Variants in GNG4 observed in about 807,000 individuals in gnomAD.
The protein encoded by GNG4 is G protein subunit gamma 4.
Under a neutral mutation model 5.8 loss-of-function variants are expected in GNG4, and 4 were observed. The observed-to-expected ratio is 0.69, with a 90% CI of 0.34 to 1.57. GNG4 has a LOEUF of 1.57. GNG4 is among the 40% of genes most tolerant of loss of function. The pLI is 0.06. For missense variants in GNG4, 96 were observed against 95.1 expected, an observed-to-expected ratio of 1.01 and a Z score of -0.04; for synonymous variants, 29 against 32.9, an observed-to-expected ratio of 0.88 and a Z score of 0.41.
At chr1:235,641,071 G>A (rs1402763559) in intron 1 of GNG4, among the ~76,000 whole-genome samples, 2 of 152,222 alleles carry the variant, frequency 1.3e-5, no homozygotes, top group Non-Finnish European at 1.5e-5. Flanking sequence ...ACCTTATTCT[G>A]TCAGGAAGGC....
chr1:235,586,678 T>G (rs915272593), intron 2 of GNG4, among the ~76,000 whole-genome samples: 1 of 152,074 alleles, frequency 6.6e-6, no homozygotes, highest in Non-Finnish European at 1.5e-5. Context: ...TGTTTAAAAG[T>G]GTGTGTCGCC....
upstream of GNG4, chr1:235,650,407 C>T (rs1367745395): frequency 6.6e-6 from 1 of 152,388 alleles, no homozygotes; most frequent in Non-Finnish European, 1.5e-5. Flanking sequence ...GCGCGGGCTC[C>T]CCGAAGCCTC....
At chr1:235,593,314 T>C (rs1350582778) in intron 2 of GNG4, among the ~76,000 whole-genome samples, 1 of 152,222 alleles carries the variant, frequency 6.6e-6, no homozygotes. Flanking sequence ...AAGTTGGGGC[T>C]GGGAGACCAA....
intron 3 of GNG4, among the ~76,000 whole-genome samples, chr1:235,570,150 G>A (rs542547885): frequency 6.6e-6 from 1 of 152,106 alleles, no homozygotes; most frequent in African/African-American, 2.4e-5. Flanking sequence ...AGGAATATTC[G>A]CATACAAATG....
At position 235,556,818 on chromosome 1, in the gene GNG4, G is replaced by C. The variant is rs763201688; in HGVS notation, c.100-4581C>G. ...ATAATGCAGAATCAATGGGAGGCCT[G>C]AGCTTGTTTTTCTGCAACTAGATGG... On this transcript the variant is annotated intron_variant, in intron 3 of 3. Coordinates refer to ENST00000391854, the MANE Select transcript of GNG4 (RefSeq NM_001098722.2). 3.4e-4 allele frequency among the ~76,000 whole-genome samples: 52 copies of C among 151,902 alleles called. 1 individual carries two copies. The highest frequency in any genetic ancestry group is 1.5e-5 in the Non-Finnish European group (1 of 67,986).
chr1:235,639,753 C>T (rs1425209771), intron 1 of GNG4, among the ~76,000 whole-genome samples: 3 of 152,332 alleles, frequency 2.0e-5, no homozygotes, highest in Non-Finnish European at 4.4e-5. Flanking sequence ...GTGATCTGCC[C>T]GCCTTGGTCT....
At chr1:235,605,957 G>GC (rs549408285) in intron 1 of GNG4, among the ~76,000 whole-genome samples, 5 of 131,834 alleles carry the variant, frequency 3.8e-5, no homozygotes, top group South Asian at 2.6e-4. Flanking sequence ...TGAGAGTGTG[G>GC]GGGGGTGGGT....
In GNG4 at chr1:235,642,777, C is replaced by A. The variant is rs559485694; in HGVS notation, c.-123+6885G>T. ...CCTGCTGTCATCACACCTCGGATCACCCCAGGCAATCTCGCCCCTGTGGCT... is the reference window on the plus strand; with the variant it reads ...CCTGCTGTCATCACACCTCGGATCAACCCAGGCAATCTCGCCCCTGTGGCT... On this transcript the variant is annotated intron_variant, in intron 1 of 3. Transcript: ENST00000391854. The surrounding 1 kb of genome is among the most constrained non-coding windows in gnomAD (Gnocchi z 4.3). Among the ~76,000 whole-genome samples, 31 of 152,268 alleles carry A rather than the reference C, an allele frequency of 2.0e-4. No homozygotes were observed. Among genetic ancestry groups the A allele is most frequent in the Non-Finnish European group, 1.3e-4 (9 of 68,022 alleles).
intron 1 of GNG4, among the ~76,000 whole-genome samples, chr1:235,596,527 C>CA (rs1459915232): frequency 6.6e-6 from 1 of 151,864 alleles, no homozygotes; most frequent in Non-Finnish European, 1.5e-5. Context: ...CAAAACAAAA[C>CA]AAAAAAACAC....
chr1:235,593,340 T>G (rs1023035797), intron 2 of GNG4, among the ~76,000 whole-genome samples: 6 of 152,194 alleles, frequency 3.9e-5, no homozygotes, highest in Non-Finnish European at 8.8e-5. Context: ...GGCGGTTCCA[T>G]CCCCAGTGCT....
In GNG4 at chr1:235,641,247, G is replaced by C. The variant is rs146153469; in HGVS notation, c.-123+8415C>G. Among the ~76,000 whole-genome samples, 844 of 152,062 alleles carry C rather than the reference G, an allele frequency of 5.6e-3. 5 individuals carry two copies. Among genetic ancestry groups the C allele is most frequent in the African/African-American group, 0.02 (813 of 41,458 alleles). On this transcript the variant is annotated intron_variant, in intron 1 of 3. Coordinates refer to ENST00000391854, the MANE Select transcript of GNG4 (RefSeq NM_001098722.2). ...CAAAAAGTTTTAAAAGAATTTAGCC[G>C]GGCATGGTGGTGGGCAACTGTAGCC... is the stretch of plus-strand genomic sequence containing the variant.
At chr1:235,599,579 G>A (rs1415880369) in intron 1 of GNG4, among the ~76,000 whole-genome samples, 1 of 152,144 alleles carries the variant, frequency 6.6e-6, no homozygotes, top group Non-Finnish European at 1.5e-5. Flanking sequence ...GCCTCCCAAA[G>A]TGCTGGGGTT....
chr1:235,587,770 T>TC (rs1687851135), intron 2 of GNG4, among the ~76,000 whole-genome samples: 1 of 134,418 alleles, frequency 7.4e-6, no homozygotes, highest in Admixed American at 7.5e-5. Context: ...TGGGAGAGTG[T>TC]GGGGTGGGGG....
chr1:235,646,336 C>T (rs1657510608), intron 1 of GNG4, among the ~76,000 whole-genome samples: 2 of 152,202 alleles, frequency 1.3e-5, no homozygotes, highest in East Asian at 1.9e-4. Flanking sequence ...ACTTTTCCTA[C>T]ATCAGTTAAA....
chr1:235,615,837 C>T (rs10926264), intron 1 of GNG4: 39,003 of 282,708 alleles, frequency 0.14, 5,231 homozygotes, highest in East Asian at 0.6. Flanking sequence ...GCAAGCAGTC[C>T]ATGATGGATG....
chr1:235,566,695 T>A, intron 3 of GNG4: 1 of 152,696 alleles, frequency 6.5e-6, no homozygotes, highest in East Asian at 1.9e-4. Context: ...GGCGGTGCTA[T>A]CTAATGAGAA....
intron 2 of GNG4, among the ~76,000 whole-genome samples, chr1:235,587,581 C>G (rs113140423): frequency 0.25 from 287 of 1,166 alleles, no homozygotes; most frequent in Non-Finnish European, 0.26. Flanking sequence ...TGTGGGGTGG[C>G]GGTGAGTGTG....
chr1:235,552,459 G>A (rs1686781060), intron 3 of GNG4, among the ~76,000 whole-genome samples: 1 of 152,178 alleles, frequency 6.6e-6, no homozygotes, highest in African/African-American at 2.4e-5. Flanking sequence ...CGCATGGCAG[G>A]CCAGCATGGA....
At chr1:235,576,227 A>ACT (rs1553366082) in intron 3 of GNG4, among the ~76,000 whole-genome samples, 1 of 148,830 alleles carries the variant, frequency 6.7e-6, no homozygotes, top group Non-Finnish European at 1.5e-5. Flanking sequence ...TGCCGGGCTA[A>ACT]TTTTTTTTTT....
Sources: gnomAD v4.1 joint callset for allele counts (sites outside exome capture counted in the v4.1 genomes callset) on GRCh38, gnomAD v4.1.1 for gene constraint, Gnocchi (gnomAD v3.1) non-coding constraint, MANE v1.5 for transcripts, NCBI Gene and HGNC (gene_info 2026-07-23, HGNC 2026-07-21) for gene names.